The following COG5 variants were observed in gnomAD, a reference collection of about 807,000 sequenced individuals.
COG5 encodes conserved oligomeric Golgi complex subunit 5.
In COG5, 86 loss-of-function variants were observed where a neutral mutation model predicts 110.4. The observed-to-expected ratio is 0.78, with a 90% CI of 0.65 to 0.93. COG5 has a LOEUF of 0.93. COG5 is among the 40% of genes least tolerant of loss of function. The probability of loss-of-function intolerance (pLI) is 0.00; values close to 1 mark genes in which losing one functional copy is unlikely to be tolerated. For synonymous variants in COG5, 360 were observed against 334.6 expected, an observed-to-expected ratio of 1.08 and a Z score of -0.83; for missense variants, 1,077 against 987.0, an observed-to-expected ratio of 1.09 and a Z score of -1.22.
intron 6 of COG5, among the ~76,000 whole-genome samples, chr7:107,466,771 G>A (rs1442057876): frequency 6.6e-6 from 1 of 152,154 alleles, no homozygotes; most frequent in Non-Finnish European, 1.5e-5. Context: ...AGAGTTCAAG[G>A]TTTACTACGC....
chr7:107,235,815 G>T lies in COG5; in HGVS notation c.2091+635C>A, dbSNP rs555051633. ...GTTTTTCTTCATTGCCTACTGAAAG[G>T]CTTTAAAAAATCTGTCTAAAGGACA... On this transcript the variant is annotated intron_variant, in intron 18 of 21. Transcript: ENST00000297135. 3.9e-5 allele frequency among the ~76,000 whole-genome samples: 6 copies of T among 152,112 alleles called. No individual in the cohort carries two copies. In the South Asian group the frequency reaches 1.2e-3, roughly 32 times the overall value.
intron 13 of COG5, among the ~76,000 whole-genome samples, chr7:107,281,928 A>G (rs1805201941): frequency 6.6e-6 from 1 of 152,124 alleles, no homozygotes; most frequent in African/African-American, 2.4e-5. Context: ...ACAAATTTTT[A>G]AAATTCGGAT....
intron 6 of COG5, among the ~76,000 whole-genome samples, chr7:107,495,109 C>T (rs1191499425): frequency 6.6e-6 from 1 of 152,126 alleles, no homozygotes; most frequent in Non-Finnish European, 1.5e-5. Context: ...AGACTGATAG[C>T]ATTCCCTAAA....
At chr7:107,358,129 G>C (rs561257514) in intron 10 of COG5, among the ~76,000 whole-genome samples, 86 of 152,218 alleles carry the variant, frequency 5.6e-4, no homozygotes, top group Admixed American at 2.3e-3. Context: ...ATTTACTTTT[G>C]ATATTTTCCT....
At chr7:107,546,241 G>T (rs1463692634) in intron 5 of COG5, among the ~76,000 whole-genome samples, 1 of 152,044 alleles carries the variant, frequency 6.6e-6, no homozygotes, top group East Asian at 1.9e-4. Flanking sequence ...AAAGTTTACA[G>T]CAATAAATGT....
chr7:107,290,357 A>G (rs1443795438), intron 12 of COG5, among the ~76,000 whole-genome samples: 1 of 152,194 alleles, frequency 6.6e-6, no homozygotes, highest in East Asian at 1.9e-4. Flanking sequence ...CTTCCCAGGC[A>G]CATCCTTAAC....
intron 14 of COG5, among the ~76,000 whole-genome samples, chr7:107,265,769 T>C (rs1005674700): frequency 3.3e-5 from 5 of 152,132 alleles, no homozygotes; most frequent in African/African-American, 1.2e-4. Context: ...ATATAGTTTG[T>C]ATAGGCTGGG....
At chr7:107,409,565 C>G (rs1390597352) in intron 7 of COG5, among the ~76,000 whole-genome samples, 1 of 152,118 alleles carries the variant, frequency 6.6e-6, no homozygotes, top group Non-Finnish European at 1.5e-5. Flanking sequence ...TAAGATATAA[C>G]TAAGTAAACA....
intron 10 of COG5, among the ~76,000 whole-genome samples, chr7:107,337,560 T>C (rs12536485): frequency 0.16 from 23,792 of 152,006 alleles, 2,322 homozygotes; most frequent in Non-Finnish European, 0.22. Context: ...TGCACATTTT[T>C]ACTCATATAT....
chr7:107,508,959 G>A (rs912262630), intron 6 of COG5, among the ~76,000 whole-genome samples: 5 of 152,096 alleles, frequency 3.3e-5, no homozygotes, highest in Admixed American at 6.6e-5. Flanking sequence ...AAACAAAGCA[G>A]AAACACTGGA....
At chr7:107,549,808 C>T (rs1237787004) in intron 3 of COG5, among the ~76,000 whole-genome samples, 2 of 152,106 alleles carry the variant, frequency 1.3e-5, no homozygotes, top group Non-Finnish European at 1.5e-5. Flanking sequence ...TACCCCAAGA[C>T]GTGATCCTCA....
At chr7:107,360,887 C>T (rs1017458027) in intron 10 of COG5, among the ~76,000 whole-genome samples, 5 of 152,294 alleles carry the variant, frequency 3.3e-5, no homozygotes, top group Admixed American at 2.6e-4. Context: ...GAGGGCGGAA[C>T]GAGCCCAGCG....
At chr7:107,225,064 G>A (rs954005949) in intron 19 of COG5, among the ~76,000 whole-genome samples, 11 of 152,198 alleles carry the variant, frequency 7.2e-5, no homozygotes, top group African/African-American at 2.7e-4. Flanking sequence ...GCGTGTGCAT[G>A]TGTGTACATG....
At chr7:107,215,702 G>A (rs983570654) in intron 19 of COG5, among the ~76,000 whole-genome samples, 12 of 151,366 alleles carry the variant, frequency 7.9e-5, no homozygotes, top group Admixed American at 3.9e-4. Context: ...GCTATGTGCT[G>A]CCTACAAAAG....
chr7:107,412,474 C>A, intron 7 of COG5, 28 bp downstream of exon 7: 1 of 1,598,542 alleles, frequency 6.3e-7, no homozygotes, highest in South Asian at 1.1e-5. Context: ...ACATTTTTTA[C>A]ATTAAAAAAC....
chr7:107,370,694 G>A (rs1217298291), intron 8 of COG5, among the ~76,000 whole-genome samples: 4 of 151,096 alleles, frequency 2.6e-5, no homozygotes, highest in South Asian at 2.1e-4. Flanking sequence ...GCTGAGACAG[G>A]CGAATTGCTT....
At chr7:107,301,868 CA>C (rs34599657) in intron 11 of COG5, among the ~76,000 whole-genome samples, 1 of 144,816 alleles carries the variant, frequency 6.9e-6, no homozygotes, top group Non-Finnish European at 1.5e-5. Context: ...GACTCTGCCT[CA>C]AAAAAAAAAT....
At chr7:107,284,649 T>C (rs571383418) in intron 12 of COG5, among the ~76,000 whole-genome samples, 10 of 152,226 alleles carry the variant, frequency 6.6e-5, no homozygotes, top group Non-Finnish European at 1.2e-4. Flanking sequence ...CAACATCAAA[T>C]GTAACCTGAG....
chr7:107,514,303 A>T (rs1369554457), intron 6 of COG5, among the ~76,000 whole-genome samples: 1 of 150,596 alleles, frequency 6.6e-6, no homozygotes, highest in Non-Finnish European at 1.5e-5. Context: ...CATAAAATAC[A>T]TTTTCTATAT....
Sources: gnomAD v4.1 joint callset for allele counts (sites outside exome capture counted in the v4.1 genomes callset) on GRCh38, gnomAD v4.1.1 for gene constraint, MANE v1.5 for transcripts, NCBI Gene and HGNC (gene_info 2026-07-23, HGNC 2026-07-21) for gene names.